The following BMPR1A variants were observed in gnomAD, a reference collection of about 807,000 sequenced individuals.
The protein encoded by BMPR1A is bone morphogenetic protein receptor type 1A.
Under a neutral mutation model 66.0 loss-of-function variants are expected in BMPR1A, and 7 were observed. That is an observed-to-expected ratio of 0.11 (90% CI 0.06 to 0.20). The LOEUF is 0.20. BMPR1A is among the 10% of genes least tolerant of loss of function. The probability of loss-of-function intolerance (pLI) is 1.00; values close to 1 mark genes in which losing one functional copy is unlikely to be tolerated. For missense variants in BMPR1A, 408 were observed against 669.1 expected, an observed-to-expected ratio of 0.61 and a Z score of 4.31; for synonymous variants, 200 against 229.7, an observed-to-expected ratio of 0.87 and a Z score of 1.17.
chr10:86,906,735 A>AAAAAAAAAC (rs1843396508), intron 7 of BMPR1A, among the ~76,000 whole-genome samples: 1 of 19,332 alleles, frequency 5.2e-5, no homozygotes, highest in Non-Finnish European at 7.8e-5. Flanking sequence ...AAAAAAAAAA[A>AAAAAAAAAC]AAAAAAAAAA....
intron 8 of BMPR1A, among the ~76,000 whole-genome samples, chr10:86,916,545 C>A (rs1309465921): frequency 6.6e-6 from 1 of 152,222 alleles, no homozygotes; most frequent in Non-Finnish European, 1.5e-5. Flanking sequence ...CAAAGCAAGT[C>A]ATGTGGCCTA....
intron 1 of BMPR1A, among the ~76,000 whole-genome samples, chr10:86,815,172 A>C (rs1222484789): frequency 2.6e-5 from 4 of 152,104 alleles, no homozygotes; most frequent in African/African-American, 9.7e-5. Context: ...ATTTTCCTGA[A>C]TGTTTGGAAG....
chr10:86,883,791 A>G (rs1339673294), intron 3 of BMPR1A, among the ~76,000 whole-genome samples: 1 of 152,010 alleles, frequency 6.6e-6, no homozygotes, highest in Non-Finnish European at 1.5e-5. Context: ...AACAAAAAGC[A>G]AAATTCCTCA....
At chr10:86,917,461 C>CTA in intron 9 of BMPR1A, 135 bp downstream of exon 9, 2 of 1,063,694 alleles carry the variant, frequency 1.9e-6, no homozygotes, top group Non-Finnish European at 1.4e-6. Context: ...GTAGAATACA[C>CTA]GGTTTGAATA....
intron 1 of BMPR1A, among the ~76,000 whole-genome samples, chr10:86,816,674 G>A (rs1284730284): frequency 2.6e-5 from 4 of 152,170 alleles, no homozygotes; most frequent in Admixed American, 1.3e-4. Flanking sequence ...GAGACTGAAG[G>A]ACTCTTTTCT....
At chr10:86,786,831 A>G (rs1841525061) in intron 1 of BMPR1A, among the ~76,000 whole-genome samples, 1 of 152,226 alleles carries the variant, frequency 6.6e-6, no homozygotes, top group Admixed American at 6.5e-5. Flanking sequence ...TTAATGGGCC[A>G]TGCTTAGAAT....
chr10:86,910,420 TAAAGAA>T (rs1236568474), intron 7 of BMPR1A, among the ~76,000 whole-genome samples: 2 of 152,150 alleles, frequency 1.3e-5, no homozygotes, highest in Non-Finnish European at 2.9e-5. Context: ...ATCTAGCCAT[TAAAGAA>T]AAAGGTGACA....
chr10:86,805,202 A>C (rs1841872151), intron 1 of BMPR1A, among the ~76,000 whole-genome samples: 1 of 152,162 alleles, frequency 6.6e-6, no homozygotes. Flanking sequence ...GGTGGTTAGA[A>C]CTTGAATATA....
chr10:86,907,716 A>C (rs149007203), intron 7 of BMPR1A, among the ~76,000 whole-genome samples: 20 of 152,352 alleles, frequency 1.3e-4, no homozygotes, highest in African/African-American at 4.8e-4. Flanking sequence ...TAAGCCAGTC[A>C]TAGACAAATA....
intron 1 of BMPR1A, among the ~76,000 whole-genome samples, chr10:86,787,748 C>A (rs112250793): frequency 0.012 from 1,772 of 152,218 alleles, 37 homozygotes; most frequent in African/African-American, 0.04. Flanking sequence ...AGGAAACTTA[C>A]AATCATGGCA....
intron 2 of BMPR1A, among the ~76,000 whole-genome samples, chr10:86,868,834 G>A (rs1842818177): frequency 1.3e-5 from 2 of 148,298 alleles, no homozygotes; most frequent in Non-Finnish European, 3.0e-5. Context: ...TGCTGTTTGA[G>A]GAGTTTTAAA....
Position 86,866,399 on chromosome 10 carries a change from CTTTT to C in BMPR1A, c.-152-9444_-152-9441del, listed in dbSNP as rs1048293127. ...TGTGTTAAGTTGGGCAAGTTTCTTT[CTTTT>C]TTTTTTTTTTTTTTTTTTTTTTTGA... On this transcript the variant is annotated intron_variant, in intron 2 of 12. Transcript: ENST00000372037. Among the ~76,000 whole-genome samples, 168 of 69,474 alleles carry C rather than the reference CTTTT, an allele frequency of 2.4e-3. 7 individuals are homozygous for C. Among genetic ancestry groups the C allele is most frequent in the African/African-American group, 8.0e-3 (150 of 18,816 alleles). The allele number at this position is 69,474 out of a possible 152,430, so 45.6% of individuals were successfully genotyped here.
intron 1 of BMPR1A, among the ~76,000 whole-genome samples, chr10:86,828,187 C>T (rs1449543592): frequency 6.6e-6 from 1 of 152,138 alleles, no homozygotes; most frequent in Non-Finnish European, 1.5e-5. Context: ...ACAACAATTA[C>T]TTGATCGTAA....
intron 3 of BMPR1A, among the ~76,000 whole-genome samples, chr10:86,884,964 T>C (rs1589761183): frequency 6.6e-6 from 1 of 152,228 alleles, no homozygotes; most frequent in South Asian, 2.1e-4. Context: ...TCCAAAAGTG[T>C]CATAAAATAA....
chr10:86,793,305 G>A (rs1261032986), intron 1 of BMPR1A, among the ~76,000 whole-genome samples: 1 of 151,532 alleles, frequency 6.6e-6, no homozygotes, highest in South Asian at 2.1e-4. Flanking sequence ...AAGGGTACCT[G>A]TATTTTTATT....
At chr10:86,845,864 G>A (rs1338829625) in intron 2 of BMPR1A, among the ~76,000 whole-genome samples, 1 of 152,008 alleles carries the variant, frequency 6.6e-6, no homozygotes, top group Admixed American at 6.6e-5. Context: ...GGGTGTGATG[G>A]CGGGCGCCTG....
At chr10:86,771,517 G>A (rs1267315543) in intron 1 of BMPR1A, among the ~76,000 whole-genome samples, 2 of 152,182 alleles carry the variant, frequency 1.3e-5, no homozygotes, top group Admixed American at 6.5e-5. Flanking sequence ...CAGAGGTTAA[G>A]TAGCTTGTCA....
intron 3 of BMPR1A, among the ~76,000 whole-genome samples, chr10:86,876,517 C>T (rs963626968): frequency 2.6e-5 from 4 of 152,180 alleles, no homozygotes; most frequent in African/African-American, 7.2e-5. Context: ...GGCACAGTGG[C>T]TCACACCTGT....
chr10:86,886,786 C>T (rs1843072220), intron 3 of BMPR1A, among the ~76,000 whole-genome samples: 2 of 149,836 alleles, frequency 1.3e-5, no homozygotes, highest in South Asian at 4.2e-4. Flanking sequence ...CTAGGATGAG[C>T]CTTTTCCTTT....
Sources: allele counts gnomAD v4.1 joint callset (sites outside exome capture counted in the v4.1 genomes callset), GRCh38; gene constraint gnomAD v4.1.1; transcripts MANE v1.5; gene names NCBI Gene and HGNC (gene_info 2026-07-23, HGNC 2026-07-21).